The following RXRA variants were observed in gnomAD, a reference collection of about 807,000 sequenced individuals.
RXRA encodes the protein retinoic acid receptor RXR-alpha.
RXRA carries 5 observed loss-of-function variants against 44.5 expected under a neutral mutation model. The observed-to-expected ratio is 0.11, with a 90% confidence interval of 0.06 to 0.24. The LOEUF is 0.24. Ranked by LOEUF, RXRA falls within the 10% of genes least tolerant of loss-of-function variation. The probability of loss-of-function intolerance (pLI) is 1.00; values close to 1 mark genes in which losing one functional copy is unlikely to be tolerated. For synonymous variants in RXRA, 291 were observed against 271.4 expected (o/e 1.07, Z -0.71); for missense variants, 412 against 646.5 (o/e 0.64, Z 3.93).
In RXRA at chr9:134,424,090, G is replaced by A. The variant is rs146663628; in HGVS notation, c.910+2285G>A. ...CCTCAGCCTGTGTGGGGTGTTCGTG[G>A]TGGAGTGCGGTGCTGAGGGCCTGCG... is the stretch of plus-strand genomic sequence containing the variant. On this transcript the variant is annotated intron_variant, in intron 6 of 9. Transcript: ENST00000481739. The A allele has an allele frequency of 2.3e-4, 225 of 985,404 alleles. 1 individual carries two copies. In the East Asian group the frequency reaches 0.015, roughly 66 times the overall value. 61.0% of individuals were successfully genotyped at this position (985,404 alleles called of 1,614,324 possible).
intron 1 of RXRA, among the ~76,000 whole-genome samples, chr9:134,346,388 CG>C (rs1830152207): frequency 6.6e-6 from 1 of 152,198 alleles, no homozygotes; most frequent in Admixed American, 6.5e-5. Flanking sequence ...AGGTCTCCCT[CG>C]GCTGTCGGCT....
chr9:134,421,896 C>G, intron 6 of RXRA, 91 bp downstream of exon 6: 2 of 1,547,462 alleles, frequency 1.3e-6, no homozygotes, highest in Non-Finnish European at 1.7e-6. Flanking sequence ...TCCGCACTCC[C>G]GGGACACTCC....
chr9:134,428,416 C>T (rs1253869182), intron 6 of RXRA, among the ~76,000 whole-genome samples: 4 of 140,692 alleles, frequency 2.8e-5, no homozygotes, highest in African/African-American at 5.4e-5. Context: ...CCTAACCACC[C>T]GCCCCAGGGA....
At chr9:134,410,361 C>T (rs367661325) in intron 4 of RXRA, among the ~76,000 whole-genome samples, 23 of 152,200 alleles carry the variant, frequency 1.5e-4, no homozygotes, top group East Asian at 9.6e-4. Context: ...GTTGGGAAAC[C>T]GAGGGCAGAC....
In RXRA at chr9:134,401,318, G is replaced by A. The variant is rs578012268; in HGVS notation, c.29-314G>A. Reference sequence around the variant, plus strand: ...ACTGCTTTCCCAGGTGGACGGGCCTGGAGTGCTGAGGGTTGGAGCGACCCA... The same window carrying A: ...ACTGCTTTCCCAGGTGGACGGGCCTAGAGTGCTGAGGGTTGGAGCGACCCA... On this transcript the variant is annotated intron_variant, in intron 1 of 9. Coordinates refer to ENST00000481739, the MANE Select transcript of RXRA (RefSeq NM_002957.6). The A allele has an allele frequency of 4.8e-4, 198 of 409,564 alleles. No individual in the cohort carries two copies. The South Asian group carries it at 5.0e-3, about 10-fold the overall frequency. The allele number at this position is 409,564 out of a possible 1,614,324, so 25.4% of individuals were successfully genotyped here.
intron 1 of RXRA, among the ~76,000 whole-genome samples, chr9:134,376,534 A>G (rs1203385965): frequency 6.0e-5 from 1 of 16,622 alleles, no homozygotes; most frequent in Non-Finnish European, 1.7e-4. Context: ...ATGACTTGAC[A>G]GCCTGGCCAG....
At chr9:134,328,710 G>C (rs1400026119) in intron 1 of RXRA, among the ~76,000 whole-genome samples, 1 of 152,266 alleles carries the variant, frequency 6.6e-6, no homozygotes, top group Non-Finnish European at 1.5e-5. Context: ...GTGAGTGGTG[G>C]TGGAGGGCCT....
At chr9:134,354,243 C>G (rs1488600326) in intron 1 of RXRA, among the ~76,000 whole-genome samples, 2 of 152,208 alleles carry the variant, frequency 1.3e-5, no homozygotes, top group Non-Finnish European at 2.9e-5. Context: ...TGCTCCCATC[C>G]TGGCCCTGCG....
In RXRA at chr9:134,329,520, A is replaced by G. The variant is rs373004345; in HGVS notation, c.28+2861A>G. Among the ~76,000 whole-genome samples the G allele has an allele frequency of 1.8e-4, 28 of 152,310 alleles. No homozygotes were observed. In the East Asian group the frequency reaches 1.9e-3, roughly 10 times the overall value. On this transcript the variant is annotated intron_variant, in intron 1 of 9. Transcript: ENST00000481739. ...CTGGCTGCTGGGCCTGGACCCGAGC[A>G]TGCAGCTGTGACCCTCTGCCCAGAT...
Position 134,438,424 on chromosome 9 carries a change from G to A in RXRA, c.*1810G>A, listed in dbSNP as rs1313294196. On this transcript the variant is annotated 3_prime_UTR_variant, in exon 10 of 10. Transcript: ENST00000481739. The stretch of plus-strand genomic sequence containing the variant: ...GGAGCCTGCAGCTGAGTCTGTGCCC[G>A]AGACAGGCTGTCAGAGATTCCAGAA... 2 of 152,230 alleles carry A rather than the reference G, an allele frequency of 1.3e-5. No individual in the cohort carries two copies. Among genetic ancestry groups the A allele is most frequent in the African/African-American group, 2.4e-5 (1 of 41,440 alleles). The allele number at this position is 152,230 out of a possible 1,614,324, so 9.4% of individuals were successfully genotyped here.
intron 6 of RXRA, chr9:134,425,413 G>A (rs1831415471): frequency 1.0e-6 from 1 of 985,032 alleles, no homozygotes; most frequent in Non-Finnish European, 1.2e-6. Context: ...ACAGCTTTCA[G>A]GTTTCTCCGT....
At chr9:134,406,754 C>T (rs1831057208) in intron 2 of RXRA, among the ~76,000 whole-genome samples, 2 of 152,246 alleles carry the variant, frequency 1.3e-5, no homozygotes, top group Admixed American at 6.5e-5. Flanking sequence ...TGGCCAGCCC[C>T]TGACCTCCCT....
chr9:134,339,963 CTGTG>C (rs1347430482), intron 1 of RXRA, among the ~76,000 whole-genome samples: 1 of 152,016 alleles, frequency 6.6e-6, no homozygotes, highest in Non-Finnish European at 1.5e-5. Flanking sequence ...GTGAGCCTGT[CTGTG>C]TGCACCCGTG....
At chr9:134,430,077 G>A (rs1023047517) in intron 7 of RXRA, among the ~76,000 whole-genome samples, 2 of 152,148 alleles carry the variant, frequency 1.3e-5, no homozygotes, top group African/African-American at 2.4e-5. Context: ...TAGTAGAGAC[G>A]GGGTTTCACC....
intron 5 of RXRA, among the ~76,000 whole-genome samples, chr9:134,420,514 G>C (rs34465206): frequency 0.032 from 4,840 of 152,306 alleles, 94 homozygotes; most frequent in Non-Finnish European, 0.05. Context: ...GGGTCCTGGC[G>C]AGTCTCTGTG....
intron 7 of RXRA, among the ~76,000 whole-genome samples, chr9:134,429,711 AG>A (rs774886878): frequency 8.5e-5 from 13 of 152,080 alleles, no homozygotes; most frequent in African/African-American, 2.4e-5. Flanking sequence ...AGTGGAGCAA[AG>A]GGCTGCACCT....
chr9:134,431,431 G>T (rs954678303), intron 7 of RXRA, among the ~76,000 whole-genome samples: 3 of 152,072 alleles, frequency 2.0e-5, no homozygotes, highest in Admixed American at 1.3e-4. Context: ...CAGGCCCTGG[G>T]GAAAGGTATC....
chr9:134,414,154 C>T (rs1476676447), intron 4 of RXRA, among the ~76,000 whole-genome samples: 1 of 152,270 alleles, frequency 6.6e-6, no homozygotes, highest in African/African-American at 2.4e-5. Context: ...CTGGGCAGAG[C>T]TGCCAGGCCC....
At chr9:134,425,240 T>C in intron 6 of RXRA, 1 of 985,206 alleles carries the variant, frequency 1.0e-6, no homozygotes, top group Non-Finnish European at 1.2e-6. Context: ...TCCTGTGGGG[T>C]AGGGCCCCTT....
Sources: allele counts gnomAD v4.1 joint callset (sites outside exome capture counted in the v4.1 genomes callset), GRCh38; gene constraint gnomAD v4.1.1; transcripts MANE v1.5; gene names NCBI Gene and HGNC (gene_info 2026-07-23, HGNC 2026-07-21).